BCAR3: variants seen among roughly 807,000 people sequenced by gnomAD.
The protein encoded by BCAR3 is breast cancer anti-estrogen resistance protein 3.
Under a neutral mutation model 80.1 loss-of-function variants are expected in BCAR3, and 37 were observed. That is an observed-to-expected ratio of 0.46 (90% CI 0.36 to 0.61). BCAR3 has a LOEUF of 0.61. BCAR3 is among the 20% of genes least tolerant of loss of function. The pLI, the probability that BCAR3 is intolerant of heterozygous loss-of-function variation, is 0.00. For synonymous variants in BCAR3, 389 were observed against 418.9 expected (o/e 0.93, Z 0.87); for missense variants, 978 against 1,068.2 (o/e 0.92, Z 1.18).
Position 93,574,069 on chromosome 1 carries a change from C to T in BCAR3, c.1802+1945G>A, listed in dbSNP as rs577898584. The stretch of plus-strand genomic sequence containing the variant: ...TGATTCTTTATTCAGTGTTTTCTCT[C>T]CCTGTGTTTTAATGGCCCTCTAGTG... On this transcript the variant is annotated intron_variant, in intron 8 of 11. Coordinates refer to ENST00000260502, the MANE Select transcript of BCAR3 (RefSeq NM_003567.4). Among the ~76,000 whole-genome samples, 18 of 152,340 alleles carry T rather than the reference C, an allele frequency of 1.2e-4. No individual in the cohort carries two copies. The South Asian group carries it at 3.7e-3, about 32-fold the overall frequency.
At chr1:93,836,021 C>T (rs980657183) in intron 2 of BCAR3, among the ~76,000 whole-genome samples, 3 of 152,176 alleles carry the variant, frequency 2.0e-5, no homozygotes, top group Non-Finnish European at 4.4e-5. Flanking sequence ...TACCCCTTAC[C>T]ATCCTCAATC....
At chr1:93,783,967 G>A (rs1284360916) in intron 2 of BCAR3, among the ~76,000 whole-genome samples, 1 of 152,158 alleles carries the variant, frequency 6.6e-6, no homozygotes, top group Admixed American at 6.5e-5. Flanking sequence ...CTCTTGCGAT[G>A]TTTACCCTTA....
At chr1:93,593,544 G>C (rs962192604) in intron 3 of BCAR3, among the ~76,000 whole-genome samples, 1 of 150,884 alleles carries the variant, frequency 6.6e-6, no homozygotes, top group African/African-American at 2.4e-5. Context: ...GCTAATTTTT[G>C]TAATTTTTTT....
chr1:93,668,976 T>A (rs544312556), intron 2 of BCAR3, among the ~76,000 whole-genome samples: 1 of 152,274 alleles, frequency 6.6e-6, no homozygotes, highest in African/African-American at 2.4e-5. Context: ...CCTCCCAAAG[T>A]GCTGGGAATA....
intron 2 of BCAR3, among the ~76,000 whole-genome samples, chr1:93,836,306 T>C (rs1654765031): frequency 6.6e-6 from 1 of 152,220 alleles, no homozygotes; most frequent in South Asian, 2.1e-4. Flanking sequence ...CAAGTAATTA[T>C]GCTGAACCCC....
intron 2 of BCAR3, among the ~76,000 whole-genome samples, chr1:93,811,637 C>T (rs1229042312): frequency 6.6e-6 from 1 of 152,236 alleles, no homozygotes; most frequent in Non-Finnish European, 1.5e-5. Context: ...CTGTTGTTAA[C>T]TGATGCTCCA....
chr1:93,714,968 C>G (rs191786481), intron 2 of BCAR3, among the ~76,000 whole-genome samples: 1 of 152,186 alleles, frequency 6.6e-6, no homozygotes, highest in Non-Finnish European at 1.5e-5. Context: ...TTTATCATCT[C>G]TGCATACTCT....
intron 3 of BCAR3, among the ~76,000 whole-genome samples, chr1:93,619,489 A>G (rs1335181123): frequency 1.3e-5 from 2 of 152,170 alleles, no homozygotes; most frequent in Admixed American, 1.3e-4. Context: ...TATGCAAGCA[A>G]TTACACCTGG....
At chr1:93,769,355 ATGTGTGTG>A (rs59798936) in intron 2 of BCAR3, among the ~76,000 whole-genome samples, 5,799 of 119,866 alleles carry the variant, frequency 0.048, 225 homozygotes, top group African/African-American at 0.11. Flanking sequence ...GTGGGTAGGA[ATGTGTGTG>A]TGTGTGTGTG....
intron 2 of BCAR3, among the ~76,000 whole-genome samples, chr1:93,784,199 G>GA (rs386367700): frequency 0.21 from 18,261 of 86,734 alleles, 1,699 homozygotes; most frequent in African/African-American, 0.36. Context: ...GATCTGTAAA[G>GA]AAAAAAAAAA....
At chr1:93,588,194 T>C (rs764391007) in intron 5 of BCAR3, among the ~76,000 whole-genome samples, 4 of 152,118 alleles carry the variant, frequency 2.6e-5, no homozygotes, top group African/African-American at 9.7e-5. Context: ...AACAAGCCCA[T>C]AGTCTTCCAG....
chr1:93,844,769 C>T (rs185208553), intron 2 of BCAR3, among the ~76,000 whole-genome samples: 220 of 148,028 alleles, frequency 1.5e-3, no homozygotes, highest in African/African-American at 5.1e-3. Flanking sequence ...AGTGCAGTGG[C>T]GCGATCATAG....
chr1:93,629,422 T>G (rs1675542259), intron 3 of BCAR3, among the ~76,000 whole-genome samples: 1 of 152,250 alleles, frequency 6.6e-6, no homozygotes, highest in African/African-American at 2.4e-5. Flanking sequence ...TCTCAAAATC[T>G]ACATACAGTA....
chr1:93,692,148 G>A (rs557660063), intron 3 of BCAR3, among the ~76,000 whole-genome samples: 4 of 152,294 alleles, frequency 2.6e-5, no homozygotes, highest in Admixed American at 1.3e-4. Context: ...TGAAGTGCTC[G>A]CCGCACAGCT....
chr1:93,568,409 G>A (rs1433189983), intron 9 of BCAR3, among the ~76,000 whole-genome samples: 1 of 152,150 alleles, frequency 6.6e-6, no homozygotes, highest in Non-Finnish European at 1.5e-5. Context: ...CTGCTGGCCA[G>A]TCCACTGTCA....
At position 93,727,031 on chromosome 1, in the gene BCAR3, A is replaced by G. The variant is rs528931106; in HGVS notation, c.-62-20889T>C. On this transcript the variant is annotated intron_variant, in intron 2 of 13. Coordinates refer to the BCAR3 transcript ENST00000370244. ...AGAAATCCTTGCAGAGCTTTTGTTT[A>G]TCTAATAATTTTAAATCTGTTTTCT... Among the ~76,000 whole-genome samples, 3 of 152,136 alleles carry G rather than the reference A, an allele frequency of 2.0e-5. No homozygotes were observed. The South Asian group carries it at 6.2e-4, about 32-fold the overall frequency.
At chr1:93,801,487 T>C (rs899281498) in intron 2 of BCAR3, among the ~76,000 whole-genome samples, 3 of 152,258 alleles carry the variant, frequency 2.0e-5, no homozygotes, top group East Asian at 1.9e-4. Context: ...TTTCCAAATA[T>C]TGTCTAAAAC....
At chr1:93,613,695 A>G (rs1206654561) in intron 3 of BCAR3, among the ~76,000 whole-genome samples, 1 of 152,232 alleles carries the variant, frequency 6.6e-6, no homozygotes, top group Non-Finnish European at 1.5e-5. Context: ...GTACACCACT[A>G]GGGGCTCTTG....
At chr1:93,690,827 G>A (rs995581795) in intron 3 of BCAR3, among the ~76,000 whole-genome samples, 5 of 152,148 alleles carry the variant, frequency 3.3e-5, no homozygotes, top group African/African-American at 1.2e-4. Context: ...TAAACTACTA[G>A]GCCTTTAATG....
Sources: gnomAD v4.1 joint callset for allele counts (sites outside exome capture counted in the v4.1 genomes callset) on GRCh38, gnomAD v4.1.1 for gene constraint, MANE v1.5 for transcripts, NCBI Gene and HGNC (gene_info 2026-07-23, HGNC 2026-07-21) for gene names.